Variants in HIPK2 observed in about 807,000 individuals in gnomAD.
HIPK2 encodes homeodomain interacting protein kinase 2, also known as homeodomain-interacting protein kinase 2.
A neutral mutation model predicts 113.7 loss-of-function variants in HIPK2; 27 were observed. The observed-to-expected ratio is 0.24, with a 90% confidence interval of 0.17 to 0.33. HIPK2 has a LOEUF of 0.33. HIPK2 is among the 10% of genes least tolerant of loss of function. The probability of loss-of-function intolerance (pLI) is 1.00; values close to 1 mark genes in which losing one functional copy is unlikely to be tolerated. For missense variants in HIPK2, 1,257 were observed against 1,588.0 expected (o/e 0.79, Z 3.54); for synonymous variants, 631 against 642.2 (o/e 0.98, Z 0.26).
In HIPK2 at chr7:139,596,727, CGT is replaced by C; in HGVS notation, c.2705_2706del (p.His902ArgfsTer49). ...SDTDEEEEQK[H>X]APTSTVSKQR... is the part of the protein sequence containing the mutation. ...GTGGCACTGCCTCACCTGGTGGGGG[CGT>C]GTTTCTGTTCCTCCTCCTCGTCCGT... is the stretch of plus-strand genomic sequence containing the variant. On this transcript the variant is annotated frameshift_variant, in exon 12 of 15. Transcript: ENST00000406875. LOFTEE classifies it high-confidence loss of function. 1 of 1,610,204 alleles carries C rather than the reference CGT, an allele frequency of 6.2e-7. No homozygotes were observed. Among genetic ancestry groups the C allele is most frequent in the Non-Finnish European group, 8.5e-7 (1 of 1,176,628 alleles).
Position 139,598,374 on chromosome 7 carries a change from A to G in HIPK2, c.2436-1376T>C, listed in dbSNP as rs575292014. Among the ~76,000 whole-genome samples, 10 of 152,298 alleles carry G rather than the reference A, an allele frequency of 6.6e-5. No homozygotes were observed. The East Asian group carries it at 1.9e-3, about 29-fold the overall frequency. Reference sequence around the variant, plus strand: ...GATACATTGCTTGCTCCTTCTAGGGACTGGTAATATGTTTCACTGATATGA... The same window carrying G: ...GATACATTGCTTGCTCCTTCTAGGGGCTGGTAATATGTTTCACTGATATGA... On this transcript the variant is annotated intron_variant, in intron 11 of 14. Transcript: ENST00000406875.
chr7:139,773,145 G>A (rs1206493154), intron 1 of HIPK2, among the ~76,000 whole-genome samples: 1 of 152,140 alleles, frequency 6.6e-6, no homozygotes, highest in Non-Finnish European at 1.5e-5. Flanking sequence ...CGTTAAAGAT[G>A]GGCCCTCGTC....
At chr7:139,762,454 AGCAGGATTGAATGCAG>A (rs1191228371) in intron 1 of HIPK2, among the ~76,000 whole-genome samples, 1 of 152,246 alleles carries the variant, frequency 6.6e-6, no homozygotes, top group Non-Finnish European at 1.5e-5. Flanking sequence ...AAGTGAGACC[AGCAGGATTGAATGCAG>A]CACTCAAGTC....
chr7:139,708,322 G>T (rs905398735), intron 2 of HIPK2, among the ~76,000 whole-genome samples: 1 of 152,192 alleles, frequency 6.6e-6, no homozygotes, highest in African/African-American at 2.4e-5. Context: ...TCAAGTCATG[G>T]ATATTAAGTA....
At chr7:139,736,937 C>T (rs1795955697) in intron 1 of HIPK2, among the ~76,000 whole-genome samples, 2 of 152,326 alleles carry the variant, frequency 1.3e-5, no homozygotes, top group South Asian at 4.1e-4. Context: ...CGCTAAGAGT[C>T]TTCCCTGTCA....
At chr7:139,593,525 A>G (rs554518061) in intron 12 of HIPK2, among the ~76,000 whole-genome samples, 4 of 152,308 alleles carry the variant, frequency 2.6e-5, no homozygotes, top group South Asian at 4.1e-4. Context: ...ATTCTAGGCT[A>G]TATCATCTAG....
intron 1 of HIPK2, among the ~76,000 whole-genome samples, chr7:139,776,835 T>C (rs893704543): frequency 2.9e-4 from 44 of 152,208 alleles, no homozygotes; most frequent in African/African-American, 1.1e-3. Context: ...CGAAAGACAG[T>C]GTGCGAGGCA....
intron 5 of HIPK2, 96 bp from the exon 6 acceptor site, chr7:139,626,881 C>T (rs768833685): frequency 7.4e-7 from 1 of 1,350,340 alleles, no homozygotes; most frequent in Non-Finnish European, 1.0e-6. Flanking sequence ...TCCTCCTGAT[C>T]TCTCAAGCCC....
intron 2 of HIPK2, among the ~76,000 whole-genome samples, chr7:139,655,486 C>A (rs1011954521): frequency 6.6e-6 from 1 of 152,232 alleles, no homozygotes; most frequent in Non-Finnish European, 1.5e-5. Flanking sequence ...GCAACTCTGT[C>A]TTCCTCTGGA....
intron 12 of HIPK2, among the ~76,000 whole-genome samples, chr7:139,590,409 AT>A (rs1478214377): frequency 3.3e-5 from 5 of 152,234 alleles, no homozygotes; most frequent in African/African-American, 1.2e-4. Flanking sequence ...AGAAGATCAG[AT>A]ATAACCTGTG....
rs769070947 is a variant in HIPK2, at chr7:139,631,125, G to A, written c.1347+40C>T. The A allele has an allele frequency of 1.9e-6, 3 of 1,581,624 alleles. No individual in the cohort carries two copies. Among genetic ancestry groups the A allele is most frequent in the African/African-American group, 1.4e-5 (1 of 74,002 alleles). ...GGGTCTACGGCCCTCTTCCCTAAGC[G>A]CTGGGCCACTGTGAGGAGTGGAGGA... On this transcript the variant is annotated intron_variant, in intron 4 of 14. Coordinates refer to ENST00000406875, the MANE Select transcript of HIPK2 (RefSeq NM_022740.5). The surrounding 1 kb of genome is among the most constrained non-coding windows in gnomAD (Gnocchi z 4.9).
chr7:139,617,229 A>G (rs1330621089), intron 7 of HIPK2, among the ~76,000 whole-genome samples: 4 of 152,174 alleles, frequency 2.6e-5, no homozygotes, highest in African/African-American at 9.7e-5. Context: ...ATAACAAGAA[A>G]AAACAAGTTA....
chr7:139,670,530 A>G (rs1053882165), intron 2 of HIPK2, among the ~76,000 whole-genome samples: 1 of 151,604 alleles, frequency 6.6e-6, no homozygotes, highest in African/African-American at 2.4e-5. Flanking sequence ...GCAGTGAGCC[A>G]TGATTGCACC....
chr7:139,755,448 A>G (rs999705926), intron 1 of HIPK2, among the ~76,000 whole-genome samples: 1 of 152,238 alleles, frequency 6.6e-6, no homozygotes, highest in African/African-American at 2.4e-5. Flanking sequence ...ATCTTAACCA[A>G]TAATCTACTA....
intron 6 of HIPK2, among the ~76,000 whole-genome samples, chr7:139,625,965 G>A (rs571405464): frequency 3.9e-5 from 6 of 152,174 alleles, no homozygotes; most frequent in East Asian, 3.9e-4. Context: ...CTACCGTTTC[G>A]GGCACCTCTC....
At chr7:139,681,721 A>T (rs1465433327) in intron 2 of HIPK2, among the ~76,000 whole-genome samples, 1 of 152,188 alleles carries the variant, frequency 6.6e-6, no homozygotes, top group Non-Finnish European at 1.5e-5. Context: ...CTCCTGGGAA[A>T]AATATTCTCA....
chr7:139,660,814 A>G (rs1801841964), intron 2 of HIPK2, among the ~76,000 whole-genome samples: 1 of 152,242 alleles, frequency 6.6e-6, no homozygotes, highest in African/African-American at 2.4e-5. Flanking sequence ...TTCCTGGCAG[A>G]TCCAGAGACA....
At chr7:139,763,787 G>A (rs559160474) in intron 1 of HIPK2, among the ~76,000 whole-genome samples, 2 of 152,222 alleles carry the variant, frequency 1.3e-5, no homozygotes, top group Non-Finnish European at 2.9e-5. Flanking sequence ...TCATGCCTGC[G>A]CATGCGCAGA....
intron 10 of HIPK2, among the ~76,000 whole-genome samples, chr7:139,601,881 CT>C (rs1374872721): frequency 1.3e-5 from 2 of 150,988 alleles, no homozygotes; most frequent in Admixed American, 6.6e-5. Context: ...TAGATGAACA[CT>C]TTTGTAGGGA....
Sources: allele counts gnomAD v4.1 joint callset (sites outside exome capture counted in the v4.1 genomes callset), GRCh38; gene constraint gnomAD v4.1.1; non-coding constraint Gnocchi (gnomAD v3.1); transcripts MANE v1.5; gene names NCBI Gene and HGNC (gene_info 2026-07-23, HGNC 2026-07-21).